The following CSNK1G1 variants were observed in gnomAD, a reference collection of about 807,000 sequenced individuals.
The protein encoded by CSNK1G1 is casein kinase 1 gamma 1, also known as casein kinase I isoform gamma-1.
CSNK1G1 carries 22 observed loss-of-function variants against 59.6 expected under a neutral mutation model. That is an observed-to-expected ratio of 0.37 (90% CI 0.26 to 0.53). The LOEUF (loss-of-function observed/expected upper bound fraction) is 0.53, where lower values mean the gene tolerates loss of function less well. Ranked by LOEUF, CSNK1G1 falls within the 20% of genes least tolerant of loss-of-function variation. The probability of loss-of-function intolerance (pLI) is 0.89; values close to 1 mark genes in which losing one functional copy is unlikely to be tolerated. For missense variants in CSNK1G1, 384 were observed against 519.5 expected (o/e 0.74, Z 2.54); for synonymous variants, 179 against 177.1 (o/e 1.01, Z -0.08).
At position 64,303,962 on chromosome 15, in the gene CSNK1G1, AT is replaced by A. The variant is rs200673628; in HGVS notation, c.-224-3240del. On this transcript the variant is annotated intron_variant, in intron 1 of 11. Coordinates refer to ENST00000303052, the MANE Select transcript of CSNK1G1 (RefSeq NM_022048.5). Reference sequence around the variant, plus strand: ...AAAAATCTCACTCAGCTGGGGGAAAATGTTCATAACACCTACTTGTAGAACA... The same window carrying A: ...AAAAATCTCACTCAGCTGGGGGAAAAGTTCATAACACCTACTTGTAGAACA... Among the ~76,000 whole-genome samples, 38 of 151,726 alleles carry A rather than the reference AT, an allele frequency of 2.5e-4. No individual in the cohort carries two copies. In the East Asian group the frequency reaches 7.4e-3, roughly 29 times the overall value.
intron 3 of CSNK1G1, among the ~76,000 whole-genome samples, chr15:64,257,877 G>A (rs1191235249): frequency 1.3e-5 from 2 of 152,164 alleles, no homozygotes; most frequent in East Asian, 1.9e-4. Context: ...ATTGTTACAT[G>A]TATTACCTCT....
chr15:64,225,006 CTT>C (rs750533422), intron 4 of CSNK1G1, among the ~76,000 whole-genome samples: 18 of 121,828 alleles, frequency 1.5e-4, no homozygotes, highest in Admixed American at 1.7e-4. Context: ...ATACACTTTT[CTT>C]TTTTTTTTTT....
At chr15:64,326,685 T>C (rs1896855260) in intron 1 of CSNK1G1, among the ~76,000 whole-genome samples, 1 of 150,448 alleles carries the variant, frequency 6.6e-6, no homozygotes, top group South Asian at 2.1e-4. Context: ...GATGGCCGAA[T>C]AGGAACAGCT....
Position 64,214,461 on chromosome 15 carries a change from A to T in CSNK1G1, c.445-337T>A, listed in dbSNP as rs1026957615. Among the ~76,000 whole-genome samples the T allele has an allele frequency of 6.6e-6, 1 of 152,222 alleles. No individual in the cohort carries two copies. ...GAAAATTAAGCATTTGAGACAAAAG[A>T]AGTATTCCCAGGTAGGATATCAAAC... On this transcript the variant is annotated intron_variant, in intron 5 of 11. Transcript: ENST00000303052. This position sits in a 1 kb window ranked among gnomAD's most constrained non-coding sequence, Gnocchi z 4.3.
At chr15:64,323,435 G>A (rs1337766722) in intron 1 of CSNK1G1, among the ~76,000 whole-genome samples, 2 of 151,124 alleles carry the variant, frequency 1.3e-5, no homozygotes, top group Admixed American at 6.6e-5. Flanking sequence ...GCGCAATCTC[G>A]GCTCACTGCA....
chr15:64,265,466 T>A (rs190741626), intron 2 of CSNK1G1, among the ~76,000 whole-genome samples: 1 of 152,296 alleles, frequency 6.6e-6, no homozygotes, highest in East Asian at 1.9e-4. Context: ...TTGCACATGC[T>A]CTCTTTGCCT....
intron 4 of CSNK1G1, among the ~76,000 whole-genome samples, chr15:64,223,072 TC>T (rs1228810691): frequency 1.3e-5 from 2 of 152,144 alleles, no homozygotes; most frequent in Admixed American, 6.6e-5. Context: ...TACAGAAAGC[TC>T]CCCATGCAAG....
intron 2 of CSNK1G1, among the ~76,000 whole-genome samples, chr15:64,295,816 G>A (rs963421347): frequency 2.6e-5 from 4 of 151,996 alleles, no homozygotes; most frequent in Non-Finnish European, 4.4e-5. Flanking sequence ...CTGATGATTC[G>A]ACCCCATTGC....
At chr15:64,343,043 CCTCT>C in intron 1 of CSNK1G1, among the ~76,000 whole-genome samples, 1 of 152,044 alleles carries the variant, frequency 6.6e-6, no homozygotes, top group Non-Finnish European at 1.5e-5. Context: ...AGAAACCCTA[CCTCT>C]ATTAAAAATA....
intron 1 of CSNK1G1, among the ~76,000 whole-genome samples, chr15:64,351,149 C>T (rs1340616984): frequency 6.6e-6 from 1 of 152,044 alleles, no homozygotes; most frequent in African/African-American, 2.4e-5. Flanking sequence ...ATCACAGCTC[C>T]ATAAAAGAAA....
At chr15:64,289,276 C>T (rs1894604128) in intron 2 of CSNK1G1, among the ~76,000 whole-genome samples, 1 of 151,948 alleles carries the variant, frequency 6.6e-6, no homozygotes, top group Admixed American at 6.6e-5. Context: ...AATGCATAAT[C>T]TTGCAAGTAT....
intron 1 of CSNK1G1, among the ~76,000 whole-genome samples, chr15:64,318,673 C>T (rs925530793): frequency 6.6e-6 from 1 of 150,688 alleles, no homozygotes; most frequent in Admixed American, 6.6e-5. Context: ...TGCAGTGGTG[C>T]AATCCCAGCT....
At chr15:64,209,323 G>A (rs2082222360) in intron 6 of CSNK1G1, among the ~76,000 whole-genome samples, 2 of 152,296 alleles carry the variant, frequency 1.3e-5, no homozygotes, top group Non-Finnish European at 1.5e-5. Flanking sequence ...AAACCCAAGA[G>A]AGCCAGAGAA....
intron 3 of CSNK1G1, among the ~76,000 whole-genome samples, chr15:64,256,815 G>A (rs1892401640): frequency 6.6e-6 from 1 of 152,038 alleles, no homozygotes; most frequent in Admixed American, 6.6e-5. Flanking sequence ...AACAGAAACA[G>A]CAGCAGCAGA....
At chr15:64,327,398 T>C (rs369320820) in intron 1 of CSNK1G1, among the ~76,000 whole-genome samples, 2 of 150,952 alleles carry the variant, frequency 1.3e-5, no homozygotes, top group East Asian at 2.0e-4. Flanking sequence ...TGGGAGGCAC[T>C]CCCCAGCAGG....
At chr15:64,277,760 G>GATATATTTAATATAT (rs1566930264) in intron 2 of CSNK1G1, among the ~76,000 whole-genome samples, 3 of 67,568 alleles carry the variant, frequency 4.4e-5, no homozygotes, top group East Asian at 1.1e-3. Context: ...TAATAATATA[G>GATATATTTAATATAT]CAATATTGAT....
At chr15:64,301,534 C>A (rs983515618) in intron 1 of CSNK1G1, among the ~76,000 whole-genome samples, 1 of 152,124 alleles carries the variant, frequency 6.6e-6, no homozygotes, top group African/African-American at 2.4e-5. Context: ...ACTGCTATCA[C>A]CAATCACATA....
chr15:64,209,263 G>A (rs1006073182), intron 6 of CSNK1G1, among the ~76,000 whole-genome samples: 3 of 152,122 alleles, frequency 2.0e-5, no homozygotes, highest in Admixed American at 1.3e-4. Flanking sequence ...ACAGAAGCAA[G>A]ACTAAGAGGC....
chr15:64,220,646 C>T (rs1240136194), intron 4 of CSNK1G1, among the ~76,000 whole-genome samples: 1 of 151,464 alleles, frequency 6.6e-6, no homozygotes, highest in Non-Finnish European at 1.5e-5. Context: ...ACAGACTCAG[C>T]TAATTTTGTT....
Sources: gnomAD v4.1 joint callset for allele counts (sites outside exome capture counted in the v4.1 genomes callset) on GRCh38, gnomAD v4.1.1 for gene constraint, Gnocchi (gnomAD v3.1) non-coding constraint, MANE v1.5 for transcripts, NCBI Gene and HGNC (gene_info 2026-07-23, HGNC 2026-07-21) for gene names.